Variants in DYNC1I1 observed in about 807,000 individuals in gnomAD.
DYNC1I1 encodes the protein dynein cytoplasmic 1 intermediate chain 1.
Under a neutral mutation model 86.6 loss-of-function variants are expected in DYNC1I1, and 43 were observed. The observed-to-expected ratio is 0.50, with a 90% CI of 0.39 to 0.64. The LOEUF (loss-of-function observed/expected upper bound fraction) is 0.64. Among genes scored for constraint, DYNC1I1 ranks in the 30% least tolerant of loss-of-function variants. The pLI is 0.00. For missense variants in DYNC1I1, 604 were observed against 788.8 expected (o/e 0.77, Z 2.81); for synonymous variants, 262 against 283.7 (o/e 0.92, Z 0.77).
chr7:95,994,319 C>T (rs1034091283), intron 9 of DYNC1I1, among the ~76,000 whole-genome samples: 115 of 152,160 alleles, frequency 7.6e-4, no homozygotes, highest in African/African-American at 2.6e-3. Context: ...GAGTGAAAGA[C>T]ACAGGTGTAG....
At chr7:95,918,827 C>T (rs1381307384) in intron 6 of DYNC1I1, among the ~76,000 whole-genome samples, 1 of 152,148 alleles carries the variant, frequency 6.6e-6, no homozygotes, top group Non-Finnish European at 1.5e-5. Context: ...ATTATTTTCC[C>T]TTAAACAATA....
At chr7:96,081,864 C>T (rs1015653686) in intron 16 of DYNC1I1, among the ~76,000 whole-genome samples, 2 of 151,966 alleles carry the variant, frequency 1.3e-5, no homozygotes, top group Non-Finnish European at 2.9e-5. Context: ...GAACAAAAAC[C>T]GAATGACTTT....
intron 6 of DYNC1I1, among the ~76,000 whole-genome samples, chr7:95,872,079 G>A (rs1250846509): frequency 6.6e-6 from 1 of 152,218 alleles, no homozygotes; most frequent in East Asian, 1.9e-4. Context: ...CATAGAGGGT[G>A]CTGGTGCTCA....
intron 16 of DYNC1I1, among the ~76,000 whole-genome samples, chr7:96,105,106 A>G (rs1207963687): frequency 2.0e-5 from 3 of 151,574 alleles, no homozygotes; most frequent in African/African-American, 7.3e-5. Flanking sequence ...TATTGTTATT[A>G]TTTTTCAATT....
chr7:96,098,916 T>C (rs540408272), downstream of DYNC1I1, among the ~76,000 whole-genome samples: 169 of 152,304 alleles, frequency 1.1e-3, 2 homozygotes, highest in South Asian at 0.019. Context: ...GAATTCCCAT[T>C]GGGACTTTGT....
At chr7:95,995,119 C>T (rs1246276364) in intron 9 of DYNC1I1, among the ~76,000 whole-genome samples, 2 of 151,942 alleles carry the variant, frequency 1.3e-5, no homozygotes, top group African/African-American at 4.8e-5. Context: ...TGGTGGCCGG[C>T]GCCTGTAGTC....
At chr7:95,843,958 T>C (rs1246576727) in intron 5 of DYNC1I1, among the ~76,000 whole-genome samples, 1 of 152,224 alleles carries the variant, frequency 6.6e-6, no homozygotes, top group African/African-American at 2.4e-5. Context: ...TCATTGAAAT[T>C]TGGAACTGCA....
chr7:95,779,384 G>A (rs796214850), intron 1 of DYNC1I1, among the ~76,000 whole-genome samples: 48 of 152,292 alleles, frequency 3.2e-4, no homozygotes, highest in African/African-American at 9.9e-4. Flanking sequence ...TCTGTAAAAT[G>A]GGGAAAATGA....
chr7:96,028,138 C>T (rs950050593), intron 10 of DYNC1I1, 37 bp from the exon 11 acceptor site: 14 of 1,603,872 alleles, frequency 8.7e-6, no homozygotes, highest in Non-Finnish European at 1.1e-5. Context: ...AACCATTTCA[C>T]ATTGCATCTC....
intron 16 of DYNC1I1, among the ~76,000 whole-genome samples, chr7:96,081,865 G>A (rs185923922): frequency 2.7e-3 from 416 of 152,164 alleles, no homozygotes; most frequent in African/African-American, 9.8e-3. Flanking sequence ...AACAAAAACC[G>A]AATGACTTTA....
At chr7:95,787,251 C>T (rs963082309) in intron 1 of DYNC1I1, among the ~76,000 whole-genome samples, 3 of 152,190 alleles carry the variant, frequency 2.0e-5, no homozygotes, top group Non-Finnish European at 4.4e-5. Context: ...CTGCTGAGAA[C>T]TTGAGTTTCT....
chr7:95,824,176 G>T (rs1795152321), intron 4 of DYNC1I1, among the ~76,000 whole-genome samples: 1 of 148,090 alleles, frequency 6.8e-6, no homozygotes, highest in African/African-American at 2.5e-5. Flanking sequence ...TTTTTTTGTA[G>T]ATGCAGAGTT....
intron 14 of DYNC1I1, among the ~76,000 whole-genome samples, chr7:96,048,081 C>T (rs111888328): frequency 6.6e-5 from 10 of 151,978 alleles, no homozygotes; most frequent in East Asian, 1.9e-4. Context: ...TATCTGTTAA[C>T]GATGATGGGA....
chr7:96,048,975 A>G (rs1186705645), intron 14 of DYNC1I1, among the ~76,000 whole-genome samples: 3 of 152,112 alleles, frequency 2.0e-5, no homozygotes, highest in Non-Finnish European at 2.9e-5. Context: ...ATTACTAATC[A>G]CAGGCCGGGC....
At chr7:96,048,997 C>T (rs934553924) in intron 14 of DYNC1I1, among the ~76,000 whole-genome samples, 7 of 152,250 alleles carry the variant, frequency 4.6e-5, no homozygotes, top group South Asian at 4.1e-4. Flanking sequence ...CAGTGGCTCA[C>T]GCCTGTAGTC....
chr7:95,846,623 CTCTCTGTG>C (rs1789436237), intron 5 of DYNC1I1, among the ~76,000 whole-genome samples: 7 of 121,244 alleles, frequency 5.8e-5, no homozygotes, highest in East Asian at 2.3e-4. Context: ...ATAAATCTCT[CTCTCTGTG>C]TGTGTGTGTG....
intron 6 of DYNC1I1, among the ~76,000 whole-genome samples, chr7:95,956,540 CA>C (rs1562955498): frequency 1.3e-5 from 2 of 152,016 alleles, no homozygotes; most frequent in Non-Finnish European, 2.9e-5. Flanking sequence ...TCTTGCCCCC[CA>C]CCCCCGACAG....
intron 6 of DYNC1I1, among the ~76,000 whole-genome samples, chr7:95,967,923 G>T (rs1003589344): frequency 6.6e-6 from 1 of 152,126 alleles, no homozygotes; most frequent in South Asian, 2.1e-4. Context: ...CTTGTGCGGG[G>T]GTGAACACAG....
intron 16 of DYNC1I1, among the ~76,000 whole-genome samples, chr7:96,081,999 T>C (rs767156624): frequency 2.6e-5 from 4 of 152,172 alleles, no homozygotes; most frequent in African/African-American, 7.2e-5. Flanking sequence ...ACAAGCTGAG[T>C]TCCAACAGTG....
Sources: allele counts gnomAD v4.1 joint callset (sites outside exome capture counted in the v4.1 genomes callset), GRCh38; gene constraint gnomAD v4.1.1; transcripts MANE v1.5; gene names NCBI Gene and HGNC (gene_info 2026-07-23, HGNC 2026-07-21).